Variants in PTK2 observed in about 807,000 individuals in gnomAD.
PTK2 encodes the protein protein tyrosine kinase 2, also known as focal adhesion kinase 1.
PTK2 carries 45 observed loss-of-function variants against 150.1 expected under a neutral mutation model. The observed-to-expected ratio is 0.30, with a 90% CI of 0.24 to 0.38. The LOEUF (loss-of-function observed/expected upper bound fraction) is 0.38, where lower values mean the gene tolerates loss of function less well. PTK2 is among the 10% of genes least tolerant of loss of function. PTK2 has a pLI of 1.00. For missense variants in PTK2, 919 were observed against 1,307.3 expected (o/e 0.70, Z 4.58); for synonymous variants, 432 against 449.2 (o/e 0.96, Z 0.48).
intron 1 of PTK2, among the ~76,000 whole-genome samples, chr8:140,982,351 C>A (rs1288542812): frequency 6.6e-6 from 1 of 152,228 alleles, no homozygotes; most frequent in African/African-American, 2.4e-5. Context: ...GTAATCCCAA[C>A]ACTTTGGGAG....
At chr8:140,831,135 G>C (rs1208089123) in intron 7 of PTK2, among the ~76,000 whole-genome samples, 1 of 152,184 alleles carries the variant, frequency 6.6e-6, no homozygotes, top group Non-Finnish European at 1.5e-5. Context: ...TCGCAGCAAT[G>C]TTCTTTAAGT....
chr8:140,789,383 T>C, intron 14 of PTK2, 91 bp downstream of exon 14: 7 of 1,309,250 alleles, frequency 5.3e-6, no homozygotes, highest in Non-Finnish European at 7.4e-6. Flanking sequence ...TAAGCTATTC[T>C]AGAACGAAGC....
chr8:140,932,034 G>A (rs2154608570), intron 1 of PTK2, among the ~76,000 whole-genome samples: 1 of 150,514 alleles, frequency 6.6e-6, no homozygotes, highest in East Asian at 2.0e-4. Flanking sequence ...AAATGCCTCA[G>A]CCTAGTCCTG....
chr8:140,780,767 G>C (rs1272473261), intron 14 of PTK2, among the ~76,000 whole-genome samples: 2 of 152,314 alleles, frequency 1.3e-5, no homozygotes, highest in East Asian at 3.9e-4. Context: ...CATCTTTTAG[G>C]AATAGTTACA....
rs2154397670 is a variant in PTK2, at chr8:140,735,471, G to A, written c.1826-16C>T. On this transcript the variant is annotated splice_polypyrimidine_tract_variant and intron_variant, in intron 21 of 31. Coordinates refer to ENST00000522684, the Ensembl canonical transcript of PTK2. ...ATACACACACCTGTCAAGTGGGAAT[G>A]AAAACACAACAGTGAGCTCAGTATG... 1.2e-6 allele frequency: 2 copies of A among 1,611,882 alleles called. No homozygotes were observed. Among genetic ancestry groups the A allele is most frequent in the South Asian group, 2.2e-5 (2 of 91,020 alleles).
intron 5 of PTK2, among the ~76,000 whole-genome samples, chr8:140,853,088 C>T (rs1233443146): frequency 3.9e-5 from 6 of 152,166 alleles, no homozygotes; most frequent in Non-Finnish European, 5.9e-5. Context: ...AGGTCAGTCA[C>T]GTAGGCGTTG....
intron 14 of PTK2, among the ~76,000 whole-genome samples, chr8:140,781,903 T>C (rs892164546): frequency 6.6e-6 from 1 of 151,852 alleles, no homozygotes; most frequent in Non-Finnish European, 1.5e-5. Context: ...GCAAAGGGAG[T>C]TCGAATGATG....
At chr8:140,975,326 A>G (rs1021690961) in intron 1 of PTK2, among the ~76,000 whole-genome samples, 5 of 152,182 alleles carry the variant, frequency 3.3e-5, no homozygotes, top group Non-Finnish European at 5.9e-5. Flanking sequence ...TAAAAAATTT[A>G]TATCAGAATC....
intron 4 of PTK2, among the ~76,000 whole-genome samples, chr8:140,868,910 T>C (rs992492923): frequency 3.3e-5 from 5 of 152,190 alleles, no homozygotes; most frequent in Non-Finnish European, 7.4e-5. Flanking sequence ...ATAAGTCATA[T>C]AGATTTGTTA....
At chr8:140,931,562 T>C (rs1426648476) in intron 1 of PTK2, among the ~76,000 whole-genome samples, 3 of 151,958 alleles carry the variant, frequency 2.0e-5, no homozygotes, top group Admixed American at 6.6e-5. Context: ...CAAGACCTTG[T>C]GGTTTTAAAA....
chr8:140,664,343 T>C (rs1425843796), intron 31 of PTK2, among the ~76,000 whole-genome samples: 2 of 152,222 alleles, frequency 1.3e-5, no homozygotes, highest in African/African-American at 4.8e-5. Context: ...GGTCTCACTA[T>C]GTTGTCTTGA....
intron 20 of PTK2, among the ~76,000 whole-genome samples, chr8:140,739,805 C>G (rs1371402520): frequency 6.6e-6 from 1 of 152,144 alleles, no homozygotes; most frequent in Non-Finnish European, 1.5e-5. Context: ...CTGACCCTGT[C>G]TTCCCTCCTC....
intron 14 of PTK2, among the ~76,000 whole-genome samples, chr8:140,784,902 C>T (rs1366422892): frequency 6.6e-6 from 1 of 152,188 alleles, no homozygotes; most frequent in East Asian, 1.9e-4. Context: ...TGCAATCTTA[C>T]TGAAGGTGAT....
At chr8:140,983,037 T>C (rs995238845) in intron 1 of PTK2, among the ~76,000 whole-genome samples, 2 of 152,174 alleles carry the variant, frequency 1.3e-5, no homozygotes, top group Non-Finnish European at 2.9e-5. Context: ...GTACAAAATA[T>C]AGTTTTCCAT....
rs140529023 is a variant in PTK2 at position 140,754,316 on chromosome 8, T to C, written c.1333-2000A>G. On this transcript the variant is annotated intron_variant, in intron 16 of 31. Coordinates refer to ENST00000522684, the Ensembl canonical transcript of PTK2. ...GTTTGAGTTTACAACCTTAGAATCA[T>C]TAACCGTATCTGTGCTAAAATATAA... 5.1e-4 allele frequency among the ~76,000 whole-genome samples: 77 copies of C among 152,354 alleles called. 1 individual carries two copies. The East Asian group carries it at 0.013, about 27-fold the overall frequency.
intron 26 of PTK2, among the ~76,000 whole-genome samples, chr8:140,697,786 T>C (rs1050198722): frequency 1.3e-5 from 2 of 151,736 alleles, no homozygotes; most frequent in Admixed American, 6.6e-5. Context: ...TGTTGGAGAT[T>C]AGACATTTTA....
intron 2 of PTK2, among the ~76,000 whole-genome samples, chr8:140,894,926 A>G (rs2100155551): frequency 6.6e-6 from 1 of 152,210 alleles, no homozygotes; most frequent in Non-Finnish European, 1.5e-5. Context: ...CACTATACCT[A>G]ATAGGATAAT....
At position 140,720,069 on chromosome 8, in the gene PTK2, AG is replaced by A. The variant is rs1300045973; in HGVS notation, c.2031-2361del. 7.2e-5 allele frequency among the ~76,000 whole-genome samples: 11 copies of A among 152,220 alleles called. No individual in the cohort carries two copies. The East Asian group carries it at 2.1e-3, about 29-fold the overall frequency. On this transcript the variant is annotated intron_variant, in intron 22 of 31. Transcript: ENST00000522684. ...TCCCAGGCACTGGGGGTGGTTTGGGAGGAAGAGTCACAGCATCTCAGCAGGT... is the reference window on the plus strand; with the variant it reads ...TCCCAGGCACTGGGGGTGGTTTGGGAGAAGAGTCACAGCATCTCAGCAGGT...
intron 29 of PTK2, among the ~76,000 whole-genome samples, chr8:140,672,982 C>G (rs974624311): frequency 7.9e-5 from 12 of 152,214 alleles, no homozygotes; most frequent in Admixed American, 4.6e-4. Flanking sequence ...TGAAAAAGGA[C>G]TGCCACAGAA....
Sources: gnomAD v4.1 joint callset for allele counts (sites outside exome capture counted in the v4.1 genomes callset) on GRCh38, gnomAD v4.1.1 for gene constraint, MANE v1.5 for transcripts, NCBI Gene and HGNC (gene_info 2026-07-23, HGNC 2026-07-21) for gene names.